Variants in SEMA4D observed in about 807,000 individuals in gnomAD.
SEMA4D encodes semaphorin-4D.
SEMA4D carries 22 observed loss-of-function variants against 74.8 expected under a neutral mutation model. The observed-to-expected ratio is 0.29, with a 90% CI of 0.21 to 0.42. The LOEUF is 0.42. Ranked by LOEUF, SEMA4D falls within the 10% of genes least tolerant of loss-of-function variation. SEMA4D has a pLI of 1.00. For synonymous variants in SEMA4D, 445 were observed against 463.7 expected, an observed-to-expected ratio of 0.96 and a Z score of 0.52; for missense variants, 937 against 1,118.4, an observed-to-expected ratio of 0.84 and a Z score of 2.31.
At chr9:89,448,656 C>G (rs529398985) in intron 2 of SEMA4D, among the ~76,000 whole-genome samples, 1 of 152,344 alleles carries the variant, frequency 6.6e-6, no homozygotes, top group African/African-American at 2.4e-5. Context: ...ATGTGTCAGA[C>G]GCACCCAGAA....
intron 1 of SEMA4D, among the ~76,000 whole-genome samples, chr9:89,459,797 A>C (rs1564867992): frequency 6.6e-6 from 1 of 152,218 alleles, no homozygotes; most frequent in East Asian, 1.9e-4. Flanking sequence ...CCCACACGCC[A>C]CAAGACCCAG....
chr9:89,383,482 T>A (rs904277163), intron 13 of SEMA4D, among the ~76,000 whole-genome samples: 1 of 151,944 alleles, frequency 6.6e-6, no homozygotes, highest in Non-Finnish European at 1.5e-5. Flanking sequence ...ACCAGACTAC[T>A]CCTCTCCAGG....
At position 89,379,217 on chromosome 9, in the gene SEMA4D, G is replaced by C. The variant is rs368615002; in HGVS notation, c.2076C>G (p.Ser692=). Residue 692 remains serine (S), a synonymous_variant, in exon 16 of 16, where the codon TCC becomes TCG. Coordinates refer to ENST00000422704, the MANE Select transcript of SEMA4D (RefSeq NM_001371194.2). Reference sequence around the variant, plus strand: ...GCTTGGGAGGAAGGGTGATGGCCCCGGAGGAGGTGGCCTGCACGGCTGGGG... The same window carrying C: ...GCTTGGGAGGAAGGGTGATGGCCCCCGAGGAGGTGGCCTGCACGGCTGGGG... The part of the protein sequence containing the change: ...PPTPAVQATS[S]GAITLPPKPA... 7 of 1,614,062 alleles carry C rather than the reference G, an allele frequency of 4.3e-6. No individual in the cohort carries two copies. The highest frequency in any genetic ancestry group is 5.9e-6 in the Non-Finnish European group (7 of 1,179,944).
chr9:89,371,646 ATGTGTCTGGGGTGTGGTG>A (rs1213077973), intron 16 of SEMA4D, among the ~76,000 whole-genome samples: 10 of 9,052 alleles, frequency 1.1e-3, no homozygotes, highest in African/African-American at 5.1e-3. Context: ...TGTGTGTGGG[ATGTGTCTGGGGTGTGGTG>A]TGTGTCTGGG....
chr9:89,382,772 G>A (rs7036818), intron 13 of SEMA4D, among the ~76,000 whole-genome samples: 51,597 of 152,088 alleles, frequency 0.34, 8,999 homozygotes, highest in Middle Eastern at 0.38. Flanking sequence ...TGGGTCCCGC[G>A]GGGGGCACCT....
downstream of SEMA4D, chr9:89,377,054 G>C: frequency 6.5e-7 from 1 of 1,530,886 alleles, no homozygotes; most frequent in Non-Finnish European, 8.8e-7. Context: ...AGACGAGGCT[G>C]TGAGACAGAG....
At chr9:89,411,415 G>T (rs772043853) in intron 2 of SEMA4D, among the ~76,000 whole-genome samples, 2 of 152,142 alleles carry the variant, frequency 1.3e-5, no homozygotes, top group Non-Finnish European at 2.9e-5. Flanking sequence ...AAGAGTCAGA[G>T]AACACAATCC....
chr9:89,429,617 G>GT (rs1848821873), intron 2 of SEMA4D, among the ~76,000 whole-genome samples: 1 of 152,174 alleles, frequency 6.6e-6, no homozygotes, highest in Admixed American at 6.5e-5. Context: ...AGAATCTCAA[G>GT]TTCATCTCAA....
chr9:89,489,477 A>T (rs1427460672), intron 1 of SEMA4D, among the ~76,000 whole-genome samples: 2 of 152,126 alleles, frequency 1.3e-5, no homozygotes, highest in Non-Finnish European at 2.9e-5. Flanking sequence ...AAGGAACCCC[A>T]ATGCATATTA....
chr9:89,377,398 A>C lies in SEMA4D; in HGVS notation c.*1306T>G. Reference sequence around the variant, plus strand: ...AGACTGTCCACACACGCGCACAAACATCCAGAGTTTATTGCTCTTCACCAT... The same window carrying C: ...AGACTGTCCACACACGCGCACAAACCTCCAGAGTTTATTGCTCTTCACCAT... On this transcript the variant is annotated 3_prime_UTR_variant, in exon 16 of 16. Transcript: ENST00000422704. The C allele has an allele frequency of 4.8e-5, 9 of 187,904 alleles. No homozygotes were observed. Among genetic ancestry groups the C allele is most frequent in the East Asian group, 1.3e-4 (1 of 7,546 alleles). The allele number at this position is 187,904 out of a possible 1,614,324, so 11.6% of individuals were successfully genotyped here.
chr9:89,374,187 T>A (rs1835487242), downstream of SEMA4D, among the ~76,000 whole-genome samples: 1 of 152,176 alleles, frequency 6.6e-6, no homozygotes, highest in Admixed American at 6.5e-5. Flanking sequence ...GCTGGGGGCC[T>A]CAGTTCTCAA....
chr9:89,389,380 C>A (rs1839304530), intron 9 of SEMA4D, among the ~76,000 whole-genome samples: 1 of 152,232 alleles, frequency 6.6e-6, no homozygotes, highest in Non-Finnish European at 1.5e-5. Flanking sequence ...TCACACACTT[C>A]CAACTGCCAA....
intron 1 of SEMA4D, among the ~76,000 whole-genome samples, chr9:89,461,546 C>T (rs530404059): frequency 4.6e-5 from 7 of 152,282 alleles, no homozygotes; most frequent in East Asian, 3.9e-4. Context: ...CAAGTGTGGG[C>T]ACCACAGGAA....
Position 89,363,621 on chromosome 9 carries a change from A to G in SEMA4D, c.2093-94T>C, listed in dbSNP as rs1237973858. ...CCACCTTTCTCAATGGAAAGCCAATAAAACCCAAACCCAGAATGCCACCGT... is the reference window on the plus strand; with the variant it reads ...CCACCTTTCTCAATGGAAAGCCAATGAAACCCAAACCCAGAATGCCACCGT... On this transcript the variant is annotated intron_variant, in intron 17 of 18. Coordinates refer to the SEMA4D transcript ENST00000339861. The G allele has an allele frequency of 1.9e-6, 3 of 1,594,636 alleles. No individual in the cohort carries two copies. In the East Asian group the frequency reaches 6.7e-5, roughly 36 times the overall value.
chr9:89,442,275 T>C (rs575141881), intron 2 of SEMA4D, among the ~76,000 whole-genome samples: 1 of 152,234 alleles, frequency 6.6e-6, no homozygotes, highest in Non-Finnish European at 1.5e-5. Flanking sequence ...ACGAGGGTGG[T>C]AGGGGCTGCT....
At chr9:89,453,454 C>T (rs1206095953) in intron 2 of SEMA4D, among the ~76,000 whole-genome samples, 2 of 152,266 alleles carry the variant, frequency 1.3e-5, no homozygotes, top group African/African-American at 4.8e-5. Context: ...GTGCTCCTTT[C>T]TCTGAGGACG....
intron 1 of SEMA4D, among the ~76,000 whole-genome samples, chr9:89,464,614 G>A (rs1443052636): frequency 6.6e-6 from 1 of 152,220 alleles, no homozygotes; most frequent in African/African-American, 2.4e-5. Context: ...GGGACACTGA[G>A]GACAGGGTTC....
At chr9:89,371,766 G>A (rs1217420297) in intron 16 of SEMA4D, among the ~76,000 whole-genome samples, 1 of 92,568 alleles carries the variant, frequency 1.1e-5, no homozygotes, top group Non-Finnish European at 2.2e-5. Context: ...GTGTGTGTGG[G>A]GGGTGTGGTG....
In SEMA4D at chr9:89,402,893, T is replaced by C. The variant is rs1564638111; in HGVS notation, c.230A>G (p.Asn77Ser). The change falls in exon 4 of 16, where the codon AAC becomes AGC. Residue 77 changes from asparagine (N) to serine (S), a missense_variant. Coordinates refer to ENST00000422704, the MANE Select transcript of SEMA4D (RefSeq NM_001371194.2). ...TACCTCATGCTGCTTCTCGGAGATG[T>C]TGAGTGCGTTCACAGCGAAGACCGC... The part of the protein sequence containing the change: ...REAVFAVNAL[N>S]ISEKQHEVYW... 3 of 1,613,928 alleles carry C rather than the reference T, an allele frequency of 1.9e-6. No individual in the cohort carries two copies. The highest frequency in any genetic ancestry group is 8.5e-7 in the Non-Finnish European group (1 of 1,179,868).
Sources: allele counts gnomAD v4.1 joint callset (sites outside exome capture counted in the v4.1 genomes callset), GRCh38; gene constraint gnomAD v4.1.1; transcripts MANE v1.5; gene names NCBI Gene and HGNC (gene_info 2026-07-23, HGNC 2026-07-21).